The following SSU72 variants were observed in gnomAD, a reference collection of about 807,000 sequenced individuals.
SSU72 encodes SSU72 homolog, RNA polymerase II CTD phosphatase.
In SSU72, 12 loss-of-function variants were observed where a neutral mutation model predicts 22.7. The ratio of observed to expected loss-of-function variants is 0.53; its 90% CI spans 0.34 to 0.86. SSU72 has a LOEUF of 0.86. SSU72 is among the 40% of genes least tolerant of loss of function. The pLI is 0.02. For synonymous variants in SSU72, 116 were observed against 98.3 expected, an observed-to-expected ratio of 1.18 and a Z score of -1.06; for missense variants, 151 against 249.8, an observed-to-expected ratio of 0.60 and a Z score of 2.67.
intron 2 of SSU72, among the ~76,000 whole-genome samples, chr1:1,551,726 C>T (rs182736169): frequency 4.9e-4 from 74 of 152,374 alleles, no homozygotes; most frequent in Admixed American, 4.2e-3. Flanking sequence ...ACGTGGGACA[C>T]AGCACCCATG....
At chr1:1,562,477 C>T (rs1302462752) in intron 2 of SSU72, 2 of 152,156 alleles carry the variant, frequency 1.3e-5, no homozygotes, top group East Asian at 1.9e-4. Context: ...GAAGGGGCTG[C>T]GTGGTCATGC....
chr1:1,573,654 T>C (rs7520996), intron 1 of SSU72, among the ~76,000 whole-genome samples: 76,449 of 151,950 alleles, frequency 0.5, 23,787 homozygotes, highest in East Asian at 0.87. Flanking sequence ...AGGGGGACTG[T>C]TAATTTTCCC....
chr1:1,564,544 AC>A (rs748840567), intron 2 of SSU72: 7 of 1,559,444 alleles, frequency 4.5e-6, no homozygotes, highest in Non-Finnish European at 6.1e-6. Flanking sequence ...GTCAGGGTGA[AC>A]CCCACACCGT....
intron 1 of SSU72, among the ~76,000 whole-genome samples, chr1:1,566,074 G>A (rs1642657129): frequency 6.6e-6 from 1 of 151,674 alleles, no homozygotes; most frequent in Non-Finnish European, 1.5e-5. Flanking sequence ...CTGGCCAGGA[G>A]GCGAAACCCC....
chr1:1,543,885 C>T lies in SSU72; in HGVS notation c.467G>A (p.Cys156Tyr). 1 of 1,613,720 alleles carries T rather than the reference C, an allele frequency of 6.2e-7. No individual in the cohort carries two copies. The highest frequency in any genetic ancestry group is 2.2e-5 in the East Asian group (1 of 44,880). Residue 156 changes from cysteine (C) to tyrosine (Y), a missense_variant, in exon 4 of 5, where the codon TGT (cysteine) becomes TAT (tyrosine). Transcript: ENST00000291386. The stretch of plus-strand genomic sequence containing the variant: ...GGTACTTACACACTGGCAGAGCTCA[C>T]AGATGAGAAACGCCCCCAGGGTGGC... Reference protein sequence around the residue: ...EEATLGAFLICELCQCIQHTE... With the variant: ...EEATLGAFLIYELCQCIQHTE...
chr1:1,574,683 G>T lies in SSU72; in HGVS notation c.-126C>A. 1 of 961,490 alleles carries T rather than the reference G, an allele frequency of 1.0e-6. No individual in the cohort carries two copies. The highest frequency in any genetic ancestry group is 1.4e-6 in the Non-Finnish European group (1 of 698,338). 59.6% of individuals were successfully genotyped at this position (961,490 alleles called of 1,614,324 possible). A position where few individuals can be genotyped will look rare whatever the true frequency, so the allele number is the denominator to read the frequency against. On this transcript the variant is annotated 5_prime_UTR_variant, in exon 1 of 5. Transcript: ENST00000291386. Reference sequence around the variant, plus strand: ...GACGCGAAACGACGGCGCCGGCGGTGTAGCGTGCGGCGACTGCGCGGCGGC... The same window carrying T: ...GACGCGAAACGACGGCGCCGGCGGTTTAGCGTGCGGCGACTGCGCGGCGGC...
At chr1:1,549,610 G>A (rs545755914) in intron 2 of SSU72, among the ~76,000 whole-genome samples, 13 of 151,678 alleles carry the variant, frequency 8.6e-5, no homozygotes, top group African/African-American at 9.7e-5. Flanking sequence ...AGGCCGAGGC[G>A]GATGGCTTAT....
intron 1 of SSU72, among the ~76,000 whole-genome samples, chr1:1,570,557 T>C (rs1469189370): frequency 6.9e-6 from 1 of 145,568 alleles, no homozygotes. Flanking sequence ...AGTCTGTGAG[T>C]CTCTGCAGGG....
intron 1 of SSU72, among the ~76,000 whole-genome samples, chr1:1,572,425 A>G (rs908488352): frequency 8.7e-5 from 13 of 149,472 alleles, no homozygotes; most frequent in Admixed American, 8.7e-4. Context: ...CCCCCTCAAG[A>G]AAAAAAATAT....
At chr1:1,544,188 A>G (rs921920560) in intron 3 of SSU72, among the ~76,000 whole-genome samples, 3 of 152,052 alleles carry the variant, frequency 2.0e-5, no homozygotes, top group African/African-American at 7.2e-5. Context: ...CAAATCTCCA[A>G]CTCAGCACAA....
Position 1,542,347 on chromosome 1 carries a change from C to T in SSU72, c.484-180G>A, listed in dbSNP as rs953938286. ...CGGAGGCTGCAGGGGGAGAGCGTCCCGGGCAGCCCCCACCTCCCCACCGAC... is the reference window on the plus strand; with the variant it reads ...CGGAGGCTGCAGGGGGAGAGCGTCCTGGGCAGCCCCCACCTCCCCACCGAC... On this transcript the variant is annotated intron_variant, in intron 4 of 4. Coordinates refer to ENST00000291386, the MANE Select transcript of SSU72 (RefSeq NM_014188.3). The surrounding 1 kb of genome is among the most constrained non-coding windows in gnomAD (Gnocchi z 4.4). 2.6e-5 allele frequency among the ~76,000 whole-genome samples: 4 copies of T among 152,136 alleles called. No homozygotes were observed. The highest frequency in any genetic ancestry group is 4.4e-5 in the Non-Finnish European group (3 of 68,032).
chr1:1,566,667 A>G (rs929967704), intron 1 of SSU72, among the ~76,000 whole-genome samples: 2 of 152,192 alleles, frequency 1.3e-5, no homozygotes, highest in Non-Finnish European at 2.9e-5. Context: ...CCTGGCTAAC[A>G]TGGTGAAACC....
chr1:1,567,364 CCA>C (rs1642674657), intron 1 of SSU72, among the ~76,000 whole-genome samples: 1 of 152,234 alleles, frequency 6.6e-6, no homozygotes, highest in South Asian at 2.1e-4. Flanking sequence ...CAAACATCTA[CCA>C]CACACGGCCA....
intron 2 of SSU72, among the ~76,000 whole-genome samples, chr1:1,547,891 G>A (rs375635037): frequency 5.9e-5 from 9 of 152,194 alleles, no homozygotes; most frequent in Non-Finnish European, 1.3e-4. Flanking sequence ...CACCTGCGCC[G>A]CCCAGGTCCT....
chr1:1,552,999 C>T (rs961272641), intron 2 of SSU72, among the ~76,000 whole-genome samples: 7 of 135,298 alleles, frequency 5.2e-5, no homozygotes, highest in African/African-American at 8.5e-5. Flanking sequence ...CCAGCCTGGG[C>T]GACAGAATGA....
At chr1:1,550,268 G>A (rs1291862237) in intron 2 of SSU72, among the ~76,000 whole-genome samples, 1 of 151,064 alleles carries the variant, frequency 6.6e-6, no homozygotes, top group Non-Finnish European at 1.5e-5. Context: ...GACAACCCCC[G>A]CCATCCTCCA....
At chr1:1,555,819 G>A (rs981016934) in intron 2 of SSU72, among the ~76,000 whole-genome samples, 6 of 150,846 alleles carry the variant, frequency 4.0e-5, no homozygotes, top group African/African-American at 9.8e-5. Flanking sequence ...GCAACAGGGC[G>A]AAACCTCATT....
intron 2 of SSU72, among the ~76,000 whole-genome samples, chr1:1,553,231 C>T (rs913224204): frequency 2.0e-5 from 3 of 152,198 alleles, no homozygotes; most frequent in East Asian, 1.9e-4. Flanking sequence ...TGCTGCCAGC[C>T]GAGAAGGGTC....
At chr1:1,548,148 C>T (rs1020214193) in intron 2 of SSU72, among the ~76,000 whole-genome samples, 9 of 152,190 alleles carry the variant, frequency 5.9e-5, no homozygotes, top group African/African-American at 1.2e-4. Flanking sequence ...CCTGGACATC[C>T]GGCTTTGCAC....
Sources: allele counts gnomAD v4.1 joint callset (sites outside exome capture counted in the v4.1 genomes callset), GRCh38; gene constraint gnomAD v4.1.1; non-coding constraint Gnocchi (gnomAD v3.1); transcripts MANE v1.5; gene names NCBI Gene and HGNC (gene_info 2026-07-23, HGNC 2026-07-21).